METTL14: variants seen among roughly 807,000 people sequenced by gnomAD.
METTL14 encodes N(6)-adenosine-methyltransferase non-catalytic subunit METTL14.
Under a neutral mutation model 62.4 loss-of-function variants are expected in METTL14, and 32 were observed. That is an observed-to-expected ratio of 0.51 (90% CI 0.39 to 0.69). METTL14 has a LOEUF of 0.69. Among genes scored for constraint, METTL14 ranks in the 30% least tolerant of loss-of-function variants. The pLI is 0.00. For synonymous variants in METTL14, 150 were observed against 180.0 expected (o/e 0.83, Z 1.34); for missense variants, 340 against 551.9 (o/e 0.62, Z 3.85).
chr4:118,703,921 T>A lies in METTL14; in HGVS notation c.739-14T>A. 7.2e-7 allele frequency: 1 copy of A among 1,386,064 alleles called. No homozygotes were observed. The highest frequency in any genetic ancestry group is 9.9e-7 in the Non-Finnish European group (1 of 1,007,670). The allele number at this position is 1,386,064 out of a possible 1,614,324, so 85.9% of individuals were successfully genotyped here. A position where few individuals can be genotyped will look rare whatever the true frequency, so the allele number is the denominator to read the frequency against. ...TAAGTTAAGGATTTGTGTTTAAAAT[T>A]CTTTTGTTTCTAGTGTTTACGAAAA... On this transcript the variant is annotated splice_polypyrimidine_tract_variant and intron_variant, in intron 8 of 10. Coordinates refer to ENST00000388822, the MANE Select transcript of METTL14 (RefSeq NM_020961.4).
rs1724908333 is a variant in METTL14 at position 118,711,175 on chromosome 4, A to T, written c.*873A>T. On this transcript the variant is annotated 3_prime_UTR_variant, in exon 11 of 11. Transcript: ENST00000388822. ...GGTGATGAAATGACATACACCTTTA[A>T]ACTTGTTATGGAGATAGTTTAATGT... is the stretch of plus-strand genomic sequence containing the variant. The T allele has an allele frequency of 1.3e-5, 2 of 152,214 alleles. No homozygotes were observed. Among genetic ancestry groups the T allele is most frequent in the South Asian group, 2.1e-4 (1 of 4,830 alleles). The allele number at this position is 152,214 out of a possible 1,614,324, so 9.4% of individuals were successfully genotyped here.
Position 118,709,278 on chromosome 4 carries a change from G to A in METTL14, c.1067-720G>A, listed in dbSNP as rs1438494723. On this transcript the variant is annotated intron_variant, in intron 10 of 10. Transcript: ENST00000388822. ...TTGGAAAGTTCATTCAGCCATCATTGTAAAAGATCTTAGATTTTATATTTA... is the reference window on the plus strand; with the variant it reads ...TTGGAAAGTTCATTCAGCCATCATTATAAAAGATCTTAGATTTTATATTTA... Among the ~76,000 whole-genome samples, 3 of 152,180 alleles carry A rather than the reference G, an allele frequency of 2.0e-5. No individual in the cohort carries two copies. The East Asian group carries it at 5.8e-4, about 29-fold the overall frequency.
intron 8 of METTL14, among the ~76,000 whole-genome samples, chr4:118,702,938 TTTA>T (rs70944804): frequency 0.061 from 8,194 of 135,068 alleles, 302 homozygotes; most frequent in African/African-American, 0.096. Flanking sequence ...GTTGGAAGGT[TTTA>T]TTATTATTAT....
At chr4:118,689,714 C>T (rs532901483) in intron 3 of METTL14, among the ~76,000 whole-genome samples, 2 of 150,798 alleles carry the variant, frequency 1.3e-5, no homozygotes, top group African/African-American at 4.9e-5. Context: ...ACAATCTCGG[C>T]TCACTGCAAC....
In METTL14 at chr4:118,696,329, A is replaced by G. The variant is rs541964860; in HGVS notation, c.504-853A>G. ...CTATTTTGAGACCAGGCTGGTCTCA[A>G]ACTCCTGGGGTCAATTGATCCTCCC... is the stretch of plus-strand genomic sequence containing the variant. On this transcript the variant is annotated intron_variant, in intron 6 of 10. Coordinates refer to ENST00000388822, the MANE Select transcript of METTL14 (RefSeq NM_020961.4). 4.8e-3 allele frequency among the ~76,000 whole-genome samples: 727 copies of G among 151,874 alleles called. 12 individuals are homozygous for G. Among genetic ancestry groups the G allele is most frequent in the Non-Finnish European group, 2.5e-3 (167 of 67,974 alleles).
rs774306016 is a variant in METTL14, at chr4:118,691,938, A to G, written c.325-43A>G. Reference sequence around the variant, plus strand: ...ACAGTACAGAGATAATTTATCTGCCATTACAATGCATGTTACAAATTTAAT... The same window carrying G: ...ACAGTACAGAGATAATTTATCTGCCGTTACAATGCATGTTACAAATTTAAT... On this transcript the variant is annotated intron_variant, in intron 4 of 10. Transcript: ENST00000388822. The G allele has an allele frequency of 9.4e-6, 12 of 1,271,434 alleles. No individual in the cohort carries two copies. The Middle Eastern group carries it at 5.6e-4, about 59-fold the overall frequency. 78.8% of individuals were successfully genotyped at this position (1,271,434 alleles called of 1,614,324 possible). A position where few individuals can be genotyped will look rare whatever the true frequency, so the allele number is the denominator to read the frequency against.
At position 118,705,773 on chromosome 4, in the gene METTL14, G is replaced by A; in HGVS notation, c.1018G>A (p.Gly340Ser). 6.2e-7 allele frequency: 1 copy of A among 1,614,038 alleles called. No individual in the cohort carries two copies. Among genetic ancestry groups the A allele is most frequent in the Non-Finnish European group, 8.5e-7 (1 of 1,179,972 alleles). The change falls in exon 10 of 11, where the codon GGT (glycine) becomes AGT (serine). Residue 340 changes from glycine (G) to serine (S), a missense_variant. Physicochemically the swap from Gly to Ser is moderately conservative, Grantham distance 56 (BLOSUM62 0). Transcript: ENST00000388822. Reference protein sequence around the residue: ...IFHIIEHFCLGRRRLHLFGRD... With the variant: ...IFHIIEHFCLSRRRLHLFGRD... ...TCATATAATTGAGCATTTTTGTCTTGGTAGAAGACGCCTTCATCTATTTGG... is the reference window on the plus strand; with the variant it reads ...TCATATAATTGAGCATTTTTGTCTTAGTAGAAGACGCCTTCATCTATTTGG...
At chr4:118,696,240 C>T (rs1724409315) in intron 6 of METTL14, among the ~76,000 whole-genome samples, 1 of 148,852 alleles carries the variant, frequency 6.7e-6, no homozygotes, top group South Asian at 2.2e-4. Flanking sequence ...TTTTAAAATA[C>T]ACCTTTACTT....
Position 118,691,544 on chromosome 4 carries a change from A to G in METTL14, c.256A>G (p.Met86Val), listed in dbSNP as rs753044252. ...TATGTTTTTCAAGGATGAACTAGAA[A>G]TGCAACAGGATGAAGAAAATTTGCC... The part of the protein sequence containing the change: ...KMEEYKDELE[M>V]QQDEENLPYE... The change falls in exon 4 of 11, where the codon ATG (methionine) becomes GTG (valine). Residue 86 changes from methionine (M) to valine (V), a missense_variant. This residue lies in a region of METTL14 where 111 missense variants were observed against 116.6 expected (regional missense o/e 0.95). Coordinates refer to ENST00000388822, the MANE Select transcript of METTL14 (RefSeq NM_020961.4). 4 of 1,550,912 alleles carry G rather than the reference A, an allele frequency of 2.6e-6. No homozygotes were observed. Among genetic ancestry groups the G allele is most frequent in the South Asian group, 2.4e-5 (2 of 81,948 alleles).
chr4:118,695,468 G>A (rs1003971778), intron 6 of METTL14, among the ~76,000 whole-genome samples: 1 of 152,130 alleles, frequency 6.6e-6, no homozygotes, highest in Non-Finnish European at 1.5e-5. Flanking sequence ...AGAATCGTTT[G>A]AATCTAGGAG....
intron 1 of METTL14, 98 bp from the exon 2 acceptor site, chr4:118,687,825 T>G: frequency 1.2e-6 from 1 of 840,108 alleles, no homozygotes; most frequent in Non-Finnish European, 1.9e-6. Context: ...TAAGGTGTTT[T>G]TGTTTTTTAA....
Position 118,705,763 on chromosome 4 carries a change from T to C in METTL14, c.1008T>C (p.His336=). The C allele has an allele frequency of 6.2e-7, 1 of 1,614,158 alleles. No individual in the cohort carries two copies. Among genetic ancestry groups the C allele is most frequent in the Non-Finnish European group, 8.5e-7 (1 of 1,179,998 alleles). ...KPVEIFHIIE[H]FCLGRRRLHL... is the part of the protein sequence containing the mutation. ...TAGAAATTTTTCATATAATTGAGCA[T>C]TTTTGTCTTGGTAGAAGACGCCTTC... Residue 336 remains histidine, a synonymous_variant, in exon 10 of 11, where the codon CAT becomes CAC. Coordinates refer to ENST00000388822, the MANE Select transcript of METTL14 (RefSeq NM_020961.4).
rs949646450 is a variant in METTL14, at chr4:118,712,190, T to A, written c.*1888T>A. 2 of 152,238 alleles carry A rather than the reference T, an allele frequency of 1.3e-5. No individual in the cohort carries two copies. The highest frequency in any genetic ancestry group is 2.9e-5 in the Non-Finnish European group (2 of 68,040). The allele number at this position is 152,238 out of a possible 1,614,324, so 9.4% of individuals were successfully genotyped here. A position where few individuals can be genotyped will look rare whatever the true frequency, so the allele number is the denominator to read the frequency against. ...CACTAGTTTTTGCTAACTTTCACTT[T>A]CAGTAAAGGTTGAGGTGTTGTTTTT... On this transcript the variant is annotated 3_prime_UTR_variant, in exon 11 of 11. Transcript: ENST00000388822.
rs1352228922 is a variant in METTL14, at chr4:118,713,516, T to C, written c.*3214T>C. On this transcript the variant is annotated 3_prime_UTR_variant, in exon 11 of 11. Transcript: ENST00000388822. ...ACTAATTTGTTTAATATAATCCTTA[T>C]TAACATGACAAAATGAAAGCCCTGT... 6.6e-6 allele frequency: 1 copy of C among 152,190 alleles called. No individual in the cohort carries two copies. Among genetic ancestry groups the C allele is most frequent in the Non-Finnish European group, 1.5e-5 (1 of 68,018 alleles). 9.4% of individuals were successfully genotyped at this position (152,190 alleles called of 1,614,324 possible). A position where few individuals can be genotyped will look rare whatever the true frequency, so the allele number is the denominator to read the frequency against.
chr4:118,686,267 C>T (rs1313737945), intron 1 of METTL14, among the ~76,000 whole-genome samples: 4 of 152,206 alleles, frequency 2.6e-5, no homozygotes, highest in Admixed American at 6.5e-5. Context: ...AGGTTTGTCT[C>T]CCCAAAGCTT....
chr4:118,689,284 GT>G, intron 2 of METTL14, 85 bp from the exon 3 acceptor site: 3 of 674,366 alleles, frequency 4.4e-6, no homozygotes, highest in Admixed American at 3.3e-5. Flanking sequence ...GTCTTGTTCT[GT>G]TTTTATAACC....
chr4:118,692,072 T>C lies in METTL14; in HGVS notation c.412+4T>C, dbSNP rs1323406958. On this transcript the variant is annotated splice_donor_region_variant and intron_variant, in intron 5 of 10. Transcript: ENST00000388822. Reference sequence around the variant, plus strand: ...CAGAATTTCATCAGGGATGTAGGTATGTCAGGTTTGTTTGGACTACGCTAT... The same window carrying C: ...CAGAATTTCATCAGGGATGTAGGTACGTCAGGTTTGTTTGGACTACGCTAT... 6.3e-7 allele frequency: 1 copy of C among 1,588,114 alleles called. No individual in the cohort carries two copies. Among genetic ancestry groups the C allele is most frequent in the Non-Finnish European group, 8.6e-7 (1 of 1,161,694 alleles).
Position 118,710,306 on chromosome 4 carries a change from T to C in METTL14, c.*4T>C. Reference sequence around the variant, plus strand: ...AGGTGGCTTTCCACCTCGATAATTGTTGAAGACATTGAACCTATTCATCCT... The same window carrying C: ...AGGTGGCTTTCCACCTCGATAATTGCTGAAGACATTGAACCTATTCATCCT... On this transcript the variant is annotated 3_prime_UTR_variant, in exon 11 of 11. Transcript: ENST00000388822. The C allele has an allele frequency of 6.2e-7, 1 of 1,606,586 alleles. No individual in the cohort carries two copies. Among genetic ancestry groups the C allele is most frequent in the Non-Finnish European group, 8.5e-7 (1 of 1,177,014 alleles).
intron 10 of METTL14, among the ~76,000 whole-genome samples, chr4:118,708,270 G>A (rs568824368): frequency 2.0e-5 from 3 of 152,182 alleles, no homozygotes; most frequent in East Asian, 1.9e-4. Flanking sequence ...CATGTTTTAC[G>A]TAAGAGACAG....
Sources: gnomAD v4.1 joint callset for allele counts (sites outside exome capture counted in the v4.1 genomes callset) on GRCh38, gnomAD v4.1.1 for gene constraint, gnomAD v4.1.1 regional missense constraint, MANE v1.5 for transcripts, NCBI Gene and HGNC (gene_info 2026-07-23, HGNC 2026-07-21) for gene names.